Variants in SLC30A5 observed in about 807,000 individuals in gnomAD.
The protein encoded by SLC30A5 is proton-coupled zinc antiporter SLC30A5.
A neutral mutation model predicts 79.6 loss-of-function variants in SLC30A5; 33 were observed. The observed-to-expected ratio is 0.41, with a 90% confidence interval of 0.31 to 0.55. SLC30A5 has a LOEUF of 0.55. SLC30A5 is among the 20% of genes least tolerant of loss of function. SLC30A5 has a pLI of 0.20. For missense variants in SLC30A5, 788 were observed against 928.1 expected (o/e 0.85, Z 1.96); for synonymous variants, 299 against 319.7 (o/e 0.94, Z 0.69).
In SLC30A5 at chr5:69,121,758, G is replaced by GCCATGCCCATAC. The variant is rs778387955; in HGVS notation, c.1644_1645insACCCATGCCCAT (p.His548_Gly549insThrHisAlaHis). ...ATCTGTGCCTTTAGCCATGCCCATAGCCATGCCCATGGAGCTTCTCAAGGA... is the reference window on the plus strand; with the variant it reads ...ATCTGTGCCTTTAGCCATGCCCATAGCCATGCCCATACCCATGCCCATGGAGCTTCTCAAGGA... On this transcript the variant is annotated inframe_insertion, in exon 13 of 16. Transcript: ENST00000396591. 6.2e-6 allele frequency: 10 copies of GCCATGCCCATAC among 1,612,458 alleles called. No individual in the cohort carries two copies. The highest frequency in any genetic ancestry group is 7.6e-6 in the Non-Finnish European group (9 of 1,179,258).
chr5:69,128,718 CA>C (rs1746771070), intron 15 of SLC30A5, among the ~76,000 whole-genome samples: 1 of 151,912 alleles, frequency 6.6e-6, no homozygotes, highest in Non-Finnish European at 1.5e-5. Flanking sequence ...TCTTGGTTTC[CA>C]GTAGATTATC....
rs749166446 is a variant in SLC30A5, at chr5:69,121,833, G to T, written c.1709G>T (p.Ser570Ile). Residue 570 changes from serine to isoleucine, a missense_variant, in exon 13 of 16, where the codon AGT becomes ATT. This residue lies in a region of SLC30A5 where 626 missense variants were observed against 755.5 expected (regional missense o/e 0.83). Transcript: ENST00000396591. ...HSHSHHMHGH[S>I]DHGHGHSHGS... ...CATTCACACCATATGCATGGACACA[G>T]TGACCATGGGCATGGTCACAGCCAC... 1 of 1,613,584 alleles carries T rather than the reference G, an allele frequency of 6.2e-7. No homozygotes were observed. Among genetic ancestry groups the T allele is most frequent in the Non-Finnish European group, 8.5e-7 (1 of 1,179,748 alleles).
chr5:69,113,129 T>C lies in SLC30A5; in HGVS notation c.448-11T>C, dbSNP rs761094618. 6.2e-7 allele frequency: 1 copy of C among 1,609,734 alleles called. No homozygotes were observed. Among genetic ancestry groups the C allele is most frequent in the Non-Finnish European group, 8.5e-7 (1 of 1,178,122 alleles). On this transcript the variant is annotated splice_polypyrimidine_tract_variant and intron_variant, in intron 5 of 15. Transcript: ENST00000396591. Reference sequence around the variant, plus strand: ...AAAAGTCATCCTTGATGTTGTTTTCTTTATTTTCAGACAAGGGGAGCTGCT... The same window carrying C: ...AAAAGTCATCCTTGATGTTGTTTTCCTTATTTTCAGACAAGGGGAGCTGCT...
rs148699770 is a variant in SLC30A5, at chr5:69,125,161, G to A, written c.1998+1736G>A. Among the ~76,000 whole-genome samples the A allele has an allele frequency of 9.1e-3, 1,369 of 151,052 alleles. 16 individuals are homozygous for A. The highest frequency in any genetic ancestry group is 0.015 in the Non-Finnish European group (1,013 of 67,672). On this transcript the variant is annotated intron_variant, in intron 14 of 15. Coordinates refer to ENST00000396591, the MANE Select transcript of SLC30A5 (RefSeq NM_022902.5). ...ATCCAGCACTTTGGGAGGCTGAGGTGAGCAGATCACCTGAGGCCAGGAGTT... is the reference window on the plus strand; with the variant it reads ...ATCCAGCACTTTGGGAGGCTGAGGTAAGCAGATCACCTGAGGCCAGGAGTT...
chr5:69,125,870 C>CAAAAAAAAAAAAAAAAAA (rs532994254), intron 14 of SLC30A5, among the ~76,000 whole-genome samples: 39 of 54,192 alleles, frequency 7.2e-4, no homozygotes, highest in African/African-American at 2.0e-3. Flanking sequence ...GACTCCGTCT[C>CAAAAAAAAAAAAAAAAAA]AAAAAAAAAA....
At chr5:69,104,773 T>G in intron 4 of SLC30A5, 57 bp downstream of exon 4, 1 of 1,535,640 alleles carries the variant, frequency 6.5e-7, no homozygotes, top group South Asian at 1.2e-5. Context: ...TTGAATATTA[T>G]TTTTGTTCCA....
rs549394815 is a variant in SLC30A5, at chr5:69,098,451, G to C, written c.84-2356G>C. Reference sequence around the variant, plus strand: ...TGAGGCAGGAGAATTGCTTGAACCCGGGGGTTCAATCAAAGAAAATTCCCT... The same window carrying C: ...TGAGGCAGGAGAATTGCTTGAACCCCGGGGTTCAATCAAAGAAAATTCCCT... On this transcript the variant is annotated intron_variant, in intron 1 of 15. Transcript: ENST00000396591. Among the ~76,000 whole-genome samples the C allele has an allele frequency of 2.0e-4, 30 of 152,034 alleles. No homozygotes were observed. The East Asian group carries it at 3.9e-3, about 20-fold the overall frequency.
intron 12 of SLC30A5, among the ~76,000 whole-genome samples, chr5:69,120,777 G>A (rs1271383909): frequency 6.6e-6 from 1 of 152,088 alleles, no homozygotes; most frequent in Non-Finnish European, 1.5e-5. Context: ...TACTACTTTT[G>A]AAAAGTAATT....
At chr5:69,123,971 G>T (rs1746602932) in intron 14 of SLC30A5, among the ~76,000 whole-genome samples, 1 of 151,942 alleles carries the variant, frequency 6.6e-6, no homozygotes, top group Middle Eastern at 3.4e-3. Flanking sequence ...AAATTAGCCG[G>T]GCGTGGTGGC....
chr5:69,115,144 A>T (rs1209173858), intron 7 of SLC30A5, 93 bp from the exon 8 acceptor site: 3 of 195,924 alleles, frequency 1.5e-5, no homozygotes, highest in Admixed American at 1.2e-4. Flanking sequence ...GGAAAAAAAA[A>T]AAAAAAAAAA....
intron 5 of SLC30A5, among the ~76,000 whole-genome samples, chr5:69,112,284 C>G (rs1746254372): frequency 6.8e-6 from 1 of 148,116 alleles, no homozygotes; most frequent in Non-Finnish European, 1.5e-5. Context: ...GCAACAGAGA[C>G]TCTCCTCAAA....
At chr5:69,120,856 A>G (rs990092483) in intron 12 of SLC30A5, among the ~76,000 whole-genome samples, 19 of 152,200 alleles carry the variant, frequency 1.2e-4, no homozygotes, top group African/African-American at 4.6e-4. Context: ...TAAATTGTAG[A>G]TGTAGGCAAA....
At chr5:69,104,784 CTG>C (rs1369989116) in intron 4 of SLC30A5, 68 bp downstream of exon 4, 24 of 1,470,316 alleles carry the variant, frequency 1.6e-5, no homozygotes, top group Non-Finnish European at 2.2e-5. Context: ...TTTTGTTCCA[CTG>C]TGTTTTACGT....
At position 69,100,935 on chromosome 5, in the gene SLC30A5, T is replaced by TG; in HGVS notation, c.206+7dup. Reference sequence around the variant, plus strand: ...ATTTTTATATTAAAACTTGGGTGAGTGTGGGGGGGGGTTTTTTCTTGATAT... The same window carrying TG: ...ATTTTTATATTAAAACTTGGGTGAGTGGTGGGGGGGGGTTTTTTCTTGATAT... On this transcript the variant is annotated splice_region_variant and intron_variant, in intron 2 of 15. Transcript: ENST00000396591. 2.2e-6 allele frequency: 3 copies of TG among 1,360,830 alleles called. No homozygotes were observed. The highest frequency in any genetic ancestry group is 3.0e-6 in the Non-Finnish European group (3 of 992,520). 84.3% of individuals were successfully genotyped at this position (1,360,830 alleles called of 1,614,324 possible). A position where few individuals can be genotyped will look rare whatever the true frequency, so the allele number is the denominator to read the frequency against.
At chr5:69,113,040 C>T (rs1338396948) in intron 5 of SLC30A5, 100 bp from the exon 6 acceptor site, 6 of 914,594 alleles carry the variant, frequency 6.6e-6, no homozygotes, top group Non-Finnish European at 1.0e-5. Context: ...TTTGTAAATG[C>T]TTACTTGAGA....
At chr5:69,118,325 G>GTTTATATATATATATATATATATATATA (rs60416809) in intron 11 of SLC30A5, 174 bp from the exon 12 acceptor site, 1 of 188,328 alleles carries the variant, frequency 5.3e-6, no homozygotes, top group Non-Finnish European at 1.0e-5. Context: ...ATATATATAT[G>GTTTATATATATATATATATATATATATA]TATATATATA....
chr5:69,120,444 G>A (rs550197171), intron 12 of SLC30A5, among the ~76,000 whole-genome samples: 28 of 152,218 alleles, frequency 1.8e-4, no homozygotes, highest in African/African-American at 6.7e-4. Context: ...TTTAAAGGGT[G>A]TTATGTGTAT....
chr5:69,115,167 A>AAAAAT, intron 7 of SLC30A5, 70 bp from the exon 8 acceptor site: 1 of 743,902 alleles, frequency 1.3e-6, no homozygotes, highest in Non-Finnish European at 2.1e-6. Flanking sequence ...AAAAAAAAAG[A>AAAAAT]TCATGTATTT....
chr5:69,094,740 AG>A (rs1745671827), intron 1 of SLC30A5, among the ~76,000 whole-genome samples: 1 of 152,072 alleles, frequency 6.6e-6, no homozygotes, highest in South Asian at 2.1e-4. Flanking sequence ...AGCTCTCTTC[AG>A]GCGACGAAAC....
Sources: gnomAD v4.1 joint callset for allele counts (sites outside exome capture counted in the v4.1 genomes callset) on GRCh38, gnomAD v4.1.1 for gene constraint, gnomAD v4.1.1 regional missense constraint, MANE v1.5 for transcripts, NCBI Gene and HGNC (gene_info 2026-07-23, HGNC 2026-07-21) for gene names.